The following FKBP15 variants were observed in gnomAD, a reference collection of about 807,000 sequenced individuals.
The protein encoded by FKBP15 is FK506-binding protein 15.
A neutral mutation model predicts 158.1 loss-of-function variants in FKBP15; 106 were observed. That is an observed-to-expected ratio of 0.67 (90% CI 0.57 to 0.79). FKBP15 has a LOEUF of 0.79. Among genes scored for constraint, FKBP15 ranks in the 30% least tolerant of loss-of-function variants. The pLI is 0.00. For synonymous variants in FKBP15, 547 were observed against 548.6 expected, an observed-to-expected ratio of 1.00 and a Z score of 0.04; for missense variants, 1,287 against 1,479.1, an observed-to-expected ratio of 0.87 and a Z score of 2.13.
intron 4 of FKBP15, among the ~76,000 whole-genome samples, chr9:113,203,469 G>A (rs1830831219): frequency 6.6e-6 from 1 of 151,760 alleles, no homozygotes; most frequent in Non-Finnish European, 1.5e-5. Context: ...GCCCTTCCTA[G>A]TCAATAATCC....
chr9:113,177,526 T>C (rs1301101757), intron 20 of FKBP15, among the ~76,000 whole-genome samples: 1 of 152,216 alleles, frequency 6.6e-6, no homozygotes, highest in East Asian at 1.9e-4. Context: ...CCAATGCCTG[T>C]TAATCCCAAC....
intron 23 of FKBP15, among the ~76,000 whole-genome samples, chr9:113,172,591 G>C (rs1206070857): frequency 6.6e-6 from 1 of 152,152 alleles, no homozygotes; most frequent in African/African-American, 2.4e-5. Flanking sequence ...GCCTCAGAGA[G>C]TTCTATCTCC....
At chr9:113,196,007 C>A (rs185266826) in intron 9 of FKBP15, among the ~76,000 whole-genome samples, 5 of 148,048 alleles carry the variant, frequency 3.4e-5, no homozygotes, top group Non-Finnish European at 6.0e-5. Flanking sequence ...TATGTATATA[C>A]GTATACACAC....
At position 113,190,505 on chromosome 9, in the gene FKBP15, G is replaced by A. The variant is rs1830556279; in HGVS notation, c.1139C>T (p.Pro380Leu). The change falls in exon 12 of 28, where the codon CCA becomes CTA. Residue 380 changes from proline to leucine, a missense_variant. By Grantham distance (98) the Pro-to-Leu change is moderately conservative (BLOSUM62 -3). Coordinates refer to ENST00000238256, the MANE Select transcript of FKBP15 (RefSeq NM_015258.2). ...KMGQPMLPILPPQLDSNDSEI... is the reference protein window; with the variant it reads ...KMGQPMLPILLPQLDSNDSEI... ...TGAATCATTGGAATCCAGCTGTGGT[G>A]GAAGGATGGGCAGCATGGGCTGGCC... The A allele has an allele frequency of 4.3e-6, 7 of 1,612,208 alleles. No homozygotes were observed. The highest frequency in any genetic ancestry group is 5.9e-6 in the Non-Finnish European group (7 of 1,179,178).
At position 113,169,770 on chromosome 9, in the gene FKBP15, G is replaced by A; in HGVS notation, c.2939C>T (p.Pro980Leu). The A allele has an allele frequency of 6.2e-7, 1 of 1,603,710 alleles. No individual in the cohort carries two copies. Among genetic ancestry groups the A allele is most frequent in the Non-Finnish European group, 8.5e-7 (1 of 1,174,870 alleles). Residue 980 changes from proline to leucine, a missense_variant, in exon 26 of 28, where the codon CCC (proline) becomes CTC (leucine). By Grantham distance (98) the Pro-to-Leu change is moderately conservative. Coordinates refer to ENST00000238256, the MANE Select transcript of FKBP15 (RefSeq NM_015258.2). ...GACCACCTGCTCTGAGGGCACCATGGGGGACTCTGGCCTCTCCCTATTCAG... is the reference window on the plus strand; with the variant it reads ...GACCACCTGCTCTGAGGGCACCATGAGGGACTCTGGCCTCTCCCTATTCAG... ...APLNRERPES[P>L]MVPSEQVVEE...
chr9:113,215,519 T>C (rs142227245), intron 1 of FKBP15, among the ~76,000 whole-genome samples: 133 of 151,158 alleles, frequency 8.8e-4, no homozygotes, highest in African/African-American at 3.0e-3. Flanking sequence ...ACAGATATAA[T>C]ACCATTGAAA....
At chr9:113,199,011 C>T (rs1228493079) in intron 7 of FKBP15, 88 bp from the exon 8 acceptor site, 2 of 851,580 alleles carry the variant, frequency 2.3e-6, no homozygotes, top group Non-Finnish European at 3.8e-6. Context: ...TACCAGCACA[C>T]TACTTCTGGA....
intron 1 of FKBP15, among the ~76,000 whole-genome samples, chr9:113,216,141 AG>A (rs1831129757): frequency 7.1e-6 from 1 of 141,348 alleles, no homozygotes. Context: ...AAAAAAAAAA[AG>A]GGGGTATGCC....
At chr9:113,210,566 C>T (rs952091264) in intron 2 of FKBP15, among the ~76,000 whole-genome samples, 18 of 152,160 alleles carry the variant, frequency 1.2e-4, no homozygotes, top group African/African-American at 1.9e-4. Context: ...CTCTTGACCT[C>T]GTGATCTGCT....
chr9:113,215,642 ATATTTT>A (rs1158768882), intron 1 of FKBP15, among the ~76,000 whole-genome samples: 2,024 of 81,900 alleles, frequency 0.025, 8 homozygotes, highest in Admixed American at 0.061. Context: ...ATATATATAT[ATATTTT>A]TTTTTTTTTT....
chr9:113,187,764 A>G (rs1830509121), intron 14 of FKBP15, 29 bp downstream of exon 14: 1 of 1,498,438 alleles, frequency 6.7e-7, no homozygotes, highest in Non-Finnish European at 9.3e-7. Context: ...AAATTATAGG[A>G]TATAATTAAT....
chr9:113,207,168 C>T (rs41280217), intron 3 of FKBP15, 44 bp downstream of exon 3: 32,828 of 1,499,824 alleles, frequency 0.022, 463 homozygotes, highest in Middle Eastern at 0.047. Flanking sequence ...TAACTGCACG[C>T]CCTTCCACCA....
Position 113,169,538 on chromosome 9 carries a change from C to T in FKBP15, c.3171G>A (p.Glu1057=). The T allele has an allele frequency of 6.2e-7, 1 of 1,614,054 alleles. No homozygotes were observed. The highest frequency in any genetic ancestry group is 1.3e-5 in the African/African-American group (1 of 75,060). ...EPLGPVSMDS[E]CEESLAASPM... ...GGCTGGCAGCAAGTGACTCCTCACA[C>T]TCAGAGTCCATGGATACAGGGCCTA... is the stretch of plus-strand genomic sequence containing the variant. The change falls in exon 26 of 28, where the codon GAG becomes GAA. Residue 1057 remains glutamate (E), a synonymous_variant. Transcript: ENST00000238256.
At chr9:113,205,558 A>G (rs1281532255) in intron 4 of FKBP15, among the ~76,000 whole-genome samples, 1 of 152,166 alleles carries the variant, frequency 6.6e-6, no homozygotes, top group Admixed American at 6.5e-5. Context: ...ACCCTCATAC[A>G]TTGCTTGTGG....
In FKBP15 at chr9:113,162,917, G is replaced by A. The variant is rs775219034; in HGVS notation, c.*3161C>T. ...CTTACCCACTTCTCAGCACAGCTTA[G>A]CTGGTGAGGAACGTGCAGGCACTGA... On this transcript the variant is annotated 3_prime_UTR_variant, in exon 28 of 28. Transcript: ENST00000238256. 1.2e-6 allele frequency: 2 copies of A among 1,605,600 alleles called. No homozygotes were observed. Among genetic ancestry groups the A allele is most frequent in the Non-Finnish European group, 8.5e-7 (1 of 1,176,354 alleles).
intron 10 of FKBP15, 49 bp downstream of exon 10, chr9:113,193,978 A>G (rs1451332834): frequency 3.9e-6 from 6 of 1,527,608 alleles, no homozygotes; most frequent in Non-Finnish European, 5.3e-6. Flanking sequence ...CCCTCTAAGA[A>G]TCATTTTTAT....
chr9:113,206,691 G>C, intron 3 of FKBP15, 113 bp from the exon 4 acceptor site: 1 of 674,940 alleles, frequency 1.5e-6, no homozygotes, highest in Non-Finnish European at 2.5e-6. Context: ...TCTAGGCAGG[G>C]ACACAGGTGA....
In FKBP15 at chr9:113,165,938, C is replaced by A. The variant is rs1444253663; in HGVS notation, c.*140G>T. ...GGGTGGGGCTCAGAAGGTGGCCAACCCACCCTCTGAGCCCAAATATTGTTC... is the reference window on the plus strand; with the variant it reads ...GGGTGGGGCTCAGAAGGTGGCCAACACACCCTCTGAGCCCAAATATTGTTC... On this transcript the variant is annotated 3_prime_UTR_variant, in exon 28 of 28. Transcript: ENST00000238256. The A allele has an allele frequency of 2.8e-6, 2 of 705,360 alleles. No individual in the cohort carries two copies. Among genetic ancestry groups the A allele is most frequent in the Non-Finnish European group, 4.6e-6 (2 of 434,212 alleles). 43.7% of individuals were successfully genotyped at this position (705,360 alleles called of 1,614,324 possible). A position where few individuals can be genotyped will look rare whatever the true frequency, so the allele number is the denominator to read the frequency against.
chr9:113,198,261 C>T lies in FKBP15; in HGVS notation c.717+594G>A, dbSNP rs1159024255. Among the ~76,000 whole-genome samples the T allele has an allele frequency of 6.6e-6, 1 of 152,038 alleles. No homozygotes were observed. The highest frequency in any genetic ancestry group is 1.5e-5 in the Non-Finnish European group (1 of 68,028). On this transcript the variant is annotated intron_variant, in intron 8 of 27. Transcript: ENST00000238256. This position sits in a 1 kb window ranked among gnomAD's most constrained non-coding sequence, Gnocchi z 5.2. The stretch of plus-strand genomic sequence containing the variant: ...AGAAGAAACTGTCTCACTTTTTCCC[C>T]TGTTAGGCTATAGGAAGGATGAAAT...
Sources: gnomAD v4.1 joint callset for allele counts (sites outside exome capture counted in the v4.1 genomes callset) on GRCh38, gnomAD v4.1.1 for gene constraint, Gnocchi (gnomAD v3.1) non-coding constraint, MANE v1.5 for transcripts, NCBI Gene and HGNC (gene_info 2026-07-23, HGNC 2026-07-21) for gene names.